The following PTPRT variants were observed in gnomAD, a reference collection of about 807,000 sequenced individuals.
PTPRT encodes receptor-type tyrosine-protein phosphatase T.
Under a neutral mutation model 176.8 loss-of-function variants are expected in PTPRT, and 56 were observed. The observed-to-expected ratio is 0.32, with a 90% CI of 0.26 to 0.40. PTPRT has a LOEUF of 0.40. PTPRT is among the 10% of genes least tolerant of loss of function. The pLI is 1.00. For missense variants in PTPRT, 1,540 were observed against 1,908.2 expected (o/e 0.81, Z 3.60); for synonymous variants, 783 against 739.0 (o/e 1.06, Z -0.96).
chr20:43,177,570 G>A (rs1217138819), intron 1 of PTPRT, among the ~76,000 whole-genome samples: 1 of 152,194 alleles, frequency 6.6e-6, no homozygotes, highest in African/African-American at 2.4e-5. Context: ...GATAACTGCT[G>A]AGGCTTTGGA....
intron 11 of PTPRT, among the ~76,000 whole-genome samples, chr20:42,329,574 G>A (rs1052719489): frequency 6.6e-6 from 1 of 151,972 alleles, no homozygotes; most frequent in African/African-American, 2.4e-5. Flanking sequence ...AATAAACGGT[G>A]TGGAGGAAAT....
Position 42,282,520 on chromosome 20 carries a change from G to T in PTPRT, c.2145C>A (p.Thr715=), listed in dbSNP as rs2057157515. The T allele has an allele frequency of 6.2e-7, 1 of 1,609,152 alleles. No homozygotes were observed. The highest frequency in any genetic ancestry group is 1.1e-5 in the South Asian group (1 of 90,304). ...TAGCCAGACGAACACAGTTGATTTT[G>T]GTCTCCTGTGAACAACAAAAATGAG... The part of the protein sequence containing the change: ...FQALSKANGE[T]KINCVRLATK... The change falls in exon 13 of 31, where the codon ACC becomes ACA. Residue 715 remains threonine, a synonymous_variant. Coordinates refer to ENST00000373187, the MANE Select transcript of PTPRT (RefSeq NM_007050.6).
intron 15 of PTPRT, among the ~76,000 whole-genome samples, chr20:42,208,742 G>C (rs1340955759): frequency 6.6e-6 from 1 of 152,162 alleles, no homozygotes; most frequent in African/African-American, 2.4e-5. Context: ...CAATGAGACA[G>C]AAATTCAACA....
intron 9 of PTPRT, among the ~76,000 whole-genome samples, chr20:42,410,476 A>G (rs1249701245): frequency 6.6e-6 from 1 of 152,190 alleles, no homozygotes; most frequent in African/African-American, 2.4e-5. Context: ...AAAATCCACA[A>G]CTATATTTGA....
At chr20:43,138,642 C>T (rs1373934326) in intron 1 of PTPRT, among the ~76,000 whole-genome samples, 1 of 152,174 alleles carries the variant, frequency 6.6e-6, no homozygotes, top group Non-Finnish European at 1.5e-5. Flanking sequence ...ACAGTCTGAC[C>T]ACAGAACCCC....
chr20:43,114,067 C>CA (rs1258052325), intron 1 of PTPRT, among the ~76,000 whole-genome samples: 2 of 152,110 alleles, frequency 1.3e-5, no homozygotes, highest in Non-Finnish European at 2.9e-5. Context: ...ACAAACTTCA[C>CA]AAAAAATAAA....
chr20:42,660,797 G>C (rs2075209525), intron 7 of PTPRT, among the ~76,000 whole-genome samples: 1 of 152,154 alleles, frequency 6.6e-6, no homozygotes, highest in Non-Finnish European at 1.5e-5. Context: ...ACACAGATAA[G>C]TAGACAACTA....
intron 1 of PTPRT, among the ~76,000 whole-genome samples, chr20:43,141,191 T>G (rs1465371741): frequency 2.6e-5 from 4 of 152,240 alleles, no homozygotes; most frequent in Non-Finnish European, 5.9e-5. Flanking sequence ...GTCAGTTAGC[T>G]CTGGCTGTAT....
At chr20:42,415,346 C>A (rs1347204810) in intron 9 of PTPRT, among the ~76,000 whole-genome samples, 1 of 147,002 alleles carries the variant, frequency 6.8e-6, no homozygotes, top group Non-Finnish European at 1.5e-5. Flanking sequence ...CCAAGCTCAG[C>A]TGGGCTTTTT....
At chr20:42,301,828 T>G (rs1452587874) in intron 12 of PTPRT, among the ~76,000 whole-genome samples, 2 of 152,134 alleles carry the variant, frequency 1.3e-5, no homozygotes, top group African/African-American at 4.8e-5. Context: ...GTTAGACATA[T>G]TGGTGGAAGA....
chr20:43,046,542 T>TAA (rs1485633861), intron 1 of PTPRT, among the ~76,000 whole-genome samples: 4 of 110,904 alleles, frequency 3.6e-5, no homozygotes, highest in African/African-American at 2.2e-4. Context: ...AGTCTCTGTC[T>TAA]CAAAAAAAAA....
At chr20:42,364,653 G>T (rs902163336) in intron 9 of PTPRT, among the ~76,000 whole-genome samples, 1 of 152,258 alleles carries the variant, frequency 6.6e-6, no homozygotes, top group Non-Finnish European at 1.5e-5. Context: ...CACACAGCAG[G>T]TGACACTGCT....
At chr20:42,064,960 A>T in the PTPRT span, among the ~76,000 whole-genome samples, 1 of 152,196 alleles carries the variant, frequency 6.6e-6, no homozygotes, top group South Asian at 2.1e-4. Flanking sequence ...GATATGGGCT[A>T]TGTAATTAGT....
At chr20:43,109,498 T>C (rs1341168937) in intron 1 of PTPRT, among the ~76,000 whole-genome samples, 2 of 152,142 alleles carry the variant, frequency 1.3e-5, no homozygotes, top group Non-Finnish European at 2.9e-5. Context: ...GATTTGATAT[T>C]CACACTCAGT....
At chr20:42,690,491 G>A (rs2075774909) in intron 6 of PTPRT, among the ~76,000 whole-genome samples, 2 of 152,164 alleles carry the variant, frequency 1.3e-5, no homozygotes, top group African/African-American at 4.8e-5. Flanking sequence ...CTTGGTCATG[G>A]ATTGAATGTA....
chr20:42,665,285 G>T (rs1237546278), intron 7 of PTPRT, among the ~76,000 whole-genome samples: 1 of 152,132 alleles, frequency 6.6e-6, no homozygotes, highest in Non-Finnish European at 1.5e-5. Flanking sequence ...GTGGGCAAAG[G>T]ATATGAACAG....
Position 42,472,543 on chromosome 20 carries a change from C to A in PTPRT, c.1173G>T (p.Gln391His). ...CTCTGATGTCTACGATTTCCACGTT[C>A]TGTGGGCCATGTACCGGATCTGCAA... ...TKCADPVHGP[Q>H]NVEIVDIRAR... Residue 391 changes from glutamine to histidine, a missense_variant, in exon 8 of 31, where the codon CAG becomes CAT. Coordinates refer to ENST00000373187, the MANE Select transcript of PTPRT (RefSeq NM_007050.6). 3 of 1,614,016 alleles carry A rather than the reference C, an allele frequency of 1.9e-6. No individual in the cohort carries two copies. Among genetic ancestry groups the A allele is most frequent in the African/African-American group, 1.3e-5 (1 of 75,076 alleles).
chr20:42,475,829 T>G (rs2071278953), intron 7 of PTPRT, among the ~76,000 whole-genome samples: 1 of 152,188 alleles, frequency 6.6e-6, no homozygotes, highest in African/African-American at 2.4e-5. Context: ...GGAGCATCTT[T>G]TTAAAGAAGA....
intron 7 of PTPRT, among the ~76,000 whole-genome samples, chr20:42,573,765 T>TTTTTG (rs2073204526): frequency 1.3e-5 from 2 of 148,610 alleles, no homozygotes; most frequent in African/African-American, 5.0e-5. Context: ...TTTTTTTTTT[T>TTTTTG]TGAGATGGAG....
Sources: gnomAD v4.1 joint callset for allele counts (sites outside exome capture counted in the v4.1 genomes callset) on GRCh38, gnomAD v4.1.1 for gene constraint, MANE v1.5 for transcripts, NCBI Gene and HGNC (gene_info 2026-07-23, HGNC 2026-07-21) for gene names.